QTRT2: variants seen among roughly 807,000 people sequenced by gnomAD.
QTRT2 encodes the protein queuine tRNA-ribosyltransferase domain containing 1.
A neutral mutation model predicts 44.8 loss-of-function variants in QTRT2; 32 were observed. The ratio of observed to expected loss-of-function variants is 0.71; its 90% CI spans 0.54 to 0.96. QTRT2 has a LOEUF of 0.96. Ranked by LOEUF, QTRT2 falls within the 40% of genes least tolerant of loss-of-function variation. QTRT2 has a pLI of 0.00. For synonymous variants in QTRT2, 182 were observed against 187.4 expected (o/e 0.97, Z 0.24); for missense variants, 461 against 503.1 (o/e 0.92, Z 0.80).
Position 114,079,892 on chromosome 3 carries a change from T to A in QTRT2, c.747-14T>A, listed in dbSNP as rs1358154846. 5.0e-6 allele frequency: 8 copies of A among 1,611,808 alleles called. No individual in the cohort carries two copies. The highest frequency in any genetic ancestry group is 6.8e-6 in the Non-Finnish European group (8 of 1,178,676). On this transcript the variant is annotated splice_polypyrimidine_tract_variant and intron_variant, in intron 7 of 9. Transcript: ENST00000281273. The stretch of plus-strand genomic sequence containing the variant: ...ATTGTCCTCATGTCACTGTTCTTAT[T>A]CTTACTTTTACAGGCTCATATCTGG...
rs553629621 is a variant in QTRT2, at chr3:114,073,277, T to A, written c.546+2439T>A. 4.4e-4 allele frequency among the ~76,000 whole-genome samples: 67 copies of A among 152,256 alleles called. No homozygotes were observed. In the South Asian group the frequency reaches 0.014, roughly 32 times the overall value. ...GGACAGCGAGTGTGACAAAGATGAT[T>A]ATTAGAAAGGTCAGATGAGCCTCAA... On this transcript the variant is annotated intron_variant, in intron 6 of 9. Transcript: ENST00000281273.
intron 7 of QTRT2, chr3:114,077,377 C>T: frequency 6.1e-6 from 1 of 164,416 alleles, no homozygotes. Context: ...ACTTAAGAAG[C>T]TCTTAGATTT....
At position 114,057,048 on chromosome 3, in the gene QTRT2, T is replaced by A; in HGVS notation, c.-80T>A. The A allele has an allele frequency of 3.6e-6, 5 of 1,387,204 alleles. No homozygotes were observed. Among genetic ancestry groups the A allele is most frequent in the Non-Finnish European group, 3.7e-6 (4 of 1,074,432 alleles). The allele number at this position is 1,387,204 out of a possible 1,614,324, so 85.9% of individuals were successfully genotyped here. A position where few individuals can be genotyped will look rare whatever the true frequency, so the allele number is the denominator to read the frequency against. On this transcript the variant is annotated 5_prime_UTR_variant, in exon 2 of 10. Coordinates refer to ENST00000281273, the MANE Select transcript of QTRT2 (RefSeq NM_024638.4). ...TAAGTTCAGATTCTCATAAATCGTGTGAGCGTCGCCGACACCTCTGAGATA... is the reference window on the plus strand; with the variant it reads ...TAAGTTCAGATTCTCATAAATCGTGAGAGCGTCGCCGACACCTCTGAGATA...
At position 114,080,058 on chromosome 3, in the gene QTRT2, G is replaced by GT; in HGVS notation, c.898+2dup. ...TACCAGCCGAATCCTGAAGAGACAC[G>GT]TAAGTCTTTTGAAGTTTATCTCTTA... On this transcript the variant is annotated splice_donor_variant, in intron 8 of 9. Transcript: ENST00000281273. LOFTEE classifies it high-confidence loss of function. The GT allele has an allele frequency of 1.3e-6, 2 of 1,590,236 alleles. No individual in the cohort carries two copies. Among genetic ancestry groups the GT allele is most frequent in the Non-Finnish European group, 1.7e-6 (2 of 1,170,116 alleles).
chr3:114,070,626 T>G lies in QTRT2; in HGVS notation c.334T>G (p.Ser112Ala). The G allele has an allele frequency of 6.2e-7, 1 of 1,613,816 alleles. No homozygotes were observed. Among genetic ancestry groups the G allele is most frequent in the Non-Finnish European group, 8.5e-7 (1 of 1,179,742 alleles). ...PCPAGYVTNK[S>A]VSVWSVAGRV... ...TCCTCATCATTTTGCTCCATGGCAG[T>G]CTGTGTCTGTGTGGAGTGTTGCAGG... Residue 112 changes from serine to alanine, a missense_variant and splice_region_variant, in exon 6 of 10, where the codon TCT (serine) becomes GCT (alanine). Ser to Ala is a moderately conservative substitution (Grantham distance 99). Transcript: ENST00000281273.
intron 3 of QTRT2, among the ~76,000 whole-genome samples, chr3:114,065,988 A>G (rs964137603): frequency 6.6e-6 from 1 of 152,254 alleles, no homozygotes; most frequent in Admixed American, 6.5e-5. Flanking sequence ...AAATTCAAGT[A>G]TTCTGAAGGA....
chr3:114,064,397 G>A (rs1365074392), intron 2 of QTRT2, among the ~76,000 whole-genome samples: 5 of 152,178 alleles, frequency 3.3e-5, no homozygotes, highest in Admixed American at 1.3e-4. Context: ...AGCCGATGAT[G>A]TGTGTGCTTA....
intron 7 of QTRT2, chr3:114,077,277 T>C (rs2077103926): frequency 4.1e-6 from 1 of 242,222 alleles, no homozygotes; most frequent in African/African-American, 2.2e-5. Context: ...GGAGACCAAG[T>C]GTAAAGTCAC....
rs1361659163 is a variant in QTRT2 at position 114,085,850 on chromosome 3, A to T, written c.1194A>T (p.Leu398=). Reference sequence around the variant, plus strand: ...TTTTCCATTACATCCGGGAAGCACTAAAAAGTGACAAACTGGCACAGTTGA... The same window carrying T: ...TTTTCCATTACATCCGGGAAGCACTTAAAAGTGACAAACTGGCACAGTTGA... The part of the protein sequence containing the change: ...FGFFHYIREA[L]KSDKLAQLKE... Residue 398 remains leucine, a synonymous_variant, in exon 10 of 10, where the codon CTA becomes CTT. Coordinates refer to ENST00000281273, the MANE Select transcript of QTRT2 (RefSeq NM_024638.4). The T allele has an allele frequency of 6.2e-7, 1 of 1,614,208 alleles. No individual in the cohort carries two copies. The highest frequency in any genetic ancestry group is 8.5e-7 in the Non-Finnish European group (1 of 1,180,040).
Position 114,087,615 on chromosome 3 carries a change from T to C in QTRT2, c.*1711T>C, listed in dbSNP as rs963494326. 1 of 152,256 alleles carries C rather than the reference T, an allele frequency of 6.6e-6. No individual in the cohort carries two copies. The highest frequency in any genetic ancestry group is 1.5e-5 in the Non-Finnish European group (1 of 68,130). The allele number at this position is 152,256 out of a possible 1,614,324, so 9.4% of individuals were successfully genotyped here. ...GGATGGTCTCGATCTCCTGACCTCA[T>C]GATCCACAAGACTGGGTAATCTGTA... is the stretch of plus-strand genomic sequence containing the variant. On this transcript the variant is annotated 3_prime_UTR_variant, in exon 10 of 10. Coordinates refer to ENST00000281273, the MANE Select transcript of QTRT2 (RefSeq NM_024638.4).
In QTRT2 at chr3:114,080,062, G is replaced by C; in HGVS notation, c.898+5G>C. The C allele has an allele frequency of 2.5e-6, 4 of 1,580,506 alleles. No homozygotes were observed. The highest frequency in any genetic ancestry group is 1.4e-5 in the African/African-American group (1 of 73,184). ...AGCCGAATCCTGAAGAGACACGTAAGTCTTTTGAAGTTTATCTCTTATCCT... is the reference window on the plus strand; with the variant it reads ...AGCCGAATCCTGAAGAGACACGTAACTCTTTTGAAGTTTATCTCTTATCCT... On this transcript the variant is annotated splice_donor_5th_base_variant and intron_variant, in intron 8 of 9. Transcript: ENST00000281273.
intron 6 of QTRT2, among the ~76,000 whole-genome samples, chr3:114,072,861 G>A (rs1276131541): frequency 6.6e-6 from 1 of 152,160 alleles, no homozygotes; most frequent in Non-Finnish European, 1.5e-5. Flanking sequence ...TGATAGCAGA[G>A]TTAATTAAGT....
chr3:114,077,779 T>G (rs2077111454), intron 7 of QTRT2: 1 of 150,546 alleles, frequency 6.6e-6, no homozygotes, highest in Non-Finnish European at 1.5e-5. Flanking sequence ...AATGGCATGA[T>G]CTTGGCTCAC....
chr3:114,066,185 A>T, intron 3 of QTRT2, 43 bp from the exon 4 acceptor site: 1 of 1,408,384 alleles, frequency 7.1e-7, no homozygotes, highest in Non-Finnish European at 1.0e-6. Context: ...TATTTACAGA[A>T]TGACACATTA....
At chr3:114,060,970 A>G (rs1163096297) in intron 2 of QTRT2, among the ~76,000 whole-genome samples, 1 of 152,218 alleles carries the variant, frequency 6.6e-6, no homozygotes, top group East Asian at 1.9e-4. Flanking sequence ...CCTGGGTGGA[A>G]CAGAGCAAAA....
In QTRT2 at chr3:114,056,782, A is replaced by T. The variant is rs1417664567; in HGVS notation, c.-212A>T. The T allele has an allele frequency of 2.6e-6, 4 of 1,514,204 alleles. No homozygotes were observed. The African/African-American group carries it at 4.1e-5, about 16-fold the overall frequency. 93.8% of individuals were successfully genotyped at this position (1,514,204 alleles called of 1,614,324 possible). A position where few individuals can be genotyped will look rare whatever the true frequency, so the allele number is the denominator to read the frequency against. ...GCACTGGAGGCAGTGATTTTGGGGC[A>T]GAGAATTTTGCAACACGTGGTAGTG... On this transcript the variant is annotated 5_prime_UTR_variant, in exon 1 of 10. Transcript: ENST00000281273.
chr3:114,077,033 C>T, intron 7 of QTRT2, 91 bp downstream of exon 7: 1 of 1,221,874 alleles, frequency 8.2e-7, no homozygotes, highest in Non-Finnish European at 1.2e-6. Context: ...TGTGCATAGG[C>T]ATGCCTTTGA....
intron 2 of QTRT2, among the ~76,000 whole-genome samples, chr3:114,059,942 T>G (rs1379715328): frequency 2.6e-5 from 4 of 152,220 alleles, no homozygotes; most frequent in Non-Finnish European, 5.9e-5. Flanking sequence ...AAGCTGAGGA[T>G]TTTGAATTTC....
chr3:114,079,834 T>G, intron 7 of QTRT2, 72 bp from the exon 8 acceptor site: 2 of 1,441,712 alleles, frequency 1.4e-6, no homozygotes, highest in South Asian at 2.3e-5. Context: ...AGTGCCTTGT[T>G]CATTAAAAGG....
Sources: gnomAD v4.1 joint callset for allele counts (sites outside exome capture counted in the v4.1 genomes callset) on GRCh38, gnomAD v4.1.1 for gene constraint, MANE v1.5 for transcripts, NCBI Gene and HGNC (gene_info 2026-07-23, HGNC 2026-07-21) for gene names.